SLCO1A2: variants seen among roughly 807,000 people sequenced by gnomAD.
SLCO1A2 encodes OATP-1.
A neutral mutation model predicts 69.0 loss-of-function variants in SLCO1A2; 67 were observed. The ratio of observed to expected loss-of-function variants is 0.97; its 90% CI spans 0.80 to 1.19. The LOEUF is 1.19. Among genes scored for constraint, SLCO1A2 ranks in the 50% most tolerant of loss-of-function variants. SLCO1A2 has a pLI of 0.00. For missense variants in SLCO1A2, 787 were observed against 793.7 expected (o/e 0.99, Z 0.10); for synonymous variants, 260 against 265.9 (o/e 0.98, Z 0.22).
At chr12:21,384,764 TTTTTC>T (rs542873249) in intron 1 of SLCO1A2, among the ~76,000 whole-genome samples, 4,281 of 149,094 alleles carry the variant, frequency 0.029, 64 homozygotes, top group Middle Eastern at 0.048. Flanking sequence ...ACTTAGTTTT[TTTTTC>T]TTTTTTTTTT....
intron 2 of SLCO1A2, among the ~76,000 whole-genome samples, chr12:21,351,252 G>C (rs1937927614): frequency 6.6e-6 from 1 of 152,146 alleles, no homozygotes. Flanking sequence ...CAAGCATGGA[G>C]GTCACAAAGT....
chr12:21,277,023 G>A (rs2136124640), intron 12 of SLCO1A2, among the ~76,000 whole-genome samples: 1 of 152,314 alleles, frequency 6.6e-6, no homozygotes, highest in African/African-American at 2.4e-5. Context: ...CAGAGCCAAT[G>A]GACTTGGGAG....
At chr12:21,394,533 C>A (rs1352808941) in intron 1 of SLCO1A2, among the ~76,000 whole-genome samples, 1 of 146,770 alleles carries the variant, frequency 6.8e-6, no homozygotes, top group East Asian at 2.0e-4. Flanking sequence ...CAGAGAGAGA[C>A]ACTGTCTCAA....
At chr12:21,413,312 C>T (rs968552174) in intron 1 of SLCO1A2, among the ~76,000 whole-genome samples, 1 of 134,896 alleles carries the variant, frequency 7.4e-6, no homozygotes, top group Non-Finnish European at 1.5e-5. Flanking sequence ...ATTCTCTGTT[C>T]ACTGCAACCT....
At chr12:21,394,939 C>T (rs963845685) in exon 1 of SLCO1A2, 1 of 152,210 alleles carries the variant, frequency 6.6e-6, no homozygotes, top group Non-Finnish European at 1.5e-5. Flanking sequence ...AGTAACATAG[C>T]AGGCACTTCA....
At chr12:21,362,675 C>T (rs1247940037) in intron 2 of SLCO1A2, among the ~76,000 whole-genome samples, 1 of 152,076 alleles carries the variant, frequency 6.6e-6, no homozygotes, top group Non-Finnish European at 1.5e-5. Flanking sequence ...CAGAGACACG[C>T]ATAGGCTCAA....
intron 4 of SLCO1A2, among the ~76,000 whole-genome samples, chr12:21,309,760 A>G (rs1267109008): frequency 6.6e-6 from 1 of 152,216 alleles, no homozygotes; most frequent in Non-Finnish European, 1.5e-5. Flanking sequence ...GAATAACTGA[A>G]TGTATGAAAC....
At chr12:21,381,166 G>T (rs1336580607) in intron 1 of SLCO1A2, among the ~76,000 whole-genome samples, 1 of 151,874 alleles carries the variant, frequency 6.6e-6, no homozygotes, top group African/African-American at 2.4e-5. Flanking sequence ...TAAATAAATG[G>T]GATGTAATTA....
upstream of SLCO1A2, among the ~76,000 whole-genome samples, chr12:21,338,596 C>G (rs1416230402): frequency 1.3e-5 from 2 of 151,848 alleles, no homozygotes; most frequent in Admixed American, 6.6e-5. Context: ...CGCAGTAGTC[C>G]CTTAATGAAA....
intron 1 of SLCO1A2, among the ~76,000 whole-genome samples, chr12:21,374,979 A>G (rs558305251): frequency 3.9e-5 from 6 of 152,028 alleles, no homozygotes; most frequent in South Asian, 2.1e-4. Context: ...ATACCCAGCT[A>G]ATTGTTTTAT....
rs1369391608 is a variant in SLCO1A2, at chr12:21,268,432, G to C, written c.*1116C>G. The C allele has an allele frequency of 6.6e-6, 1 of 152,038 alleles. No homozygotes were observed. The highest frequency in any genetic ancestry group is 1.5e-5 in the Non-Finnish European group (1 of 67,972). 9.4% of individuals were successfully genotyped at this position (152,038 alleles called of 1,614,324 possible). A position where few individuals can be genotyped will look rare whatever the true frequency, so the allele number is the denominator to read the frequency against. On this transcript the variant is annotated 3_prime_UTR_variant, in exon 15 of 15. Coordinates refer to ENST00000683939, the MANE Select transcript of SLCO1A2 (RefSeq NM_001386879.1). ...TATATATTGACTGTCATTTCAACAGGAAGGAGAGTAAGGAGTAGACAAACA... is the reference window on the plus strand; with the variant it reads ...TATATATTGACTGTCATTTCAACAGCAAGGAGAGTAAGGAGTAGACAAACA...
upstream of SLCO1A2, among the ~76,000 whole-genome samples, chr12:21,396,413 G>A (rs1197847098): frequency 1.3e-4 from 19 of 148,778 alleles, no homozygotes; most frequent in Non-Finnish European, 2.5e-4. Flanking sequence ...ACCTGAAAGT[G>A]ATGGGGAGAA....
intron 1 of SLCO1A2, among the ~76,000 whole-genome samples, chr12:21,386,117 C>CA (rs1278792206): frequency 2.0e-5 from 3 of 151,918 alleles, no homozygotes; most frequent in African/African-American, 7.3e-5. Flanking sequence ...TGCCAAAGAG[C>CA]AAAAAGTCAA....
chr12:21,392,425 G>A (rs1941206397), intron 1 of SLCO1A2, among the ~76,000 whole-genome samples: 1 of 152,158 alleles, frequency 6.6e-6, no homozygotes, highest in African/African-American at 2.4e-5. Context: ...AATTTCCTAA[G>A]TATGAATTGG....
chr12:21,324,389 A>T (rs906164943), intron 2 of SLCO1A2, among the ~76,000 whole-genome samples: 1 of 152,200 alleles, frequency 6.6e-6, no homozygotes, highest in Non-Finnish European at 1.5e-5. Flanking sequence ...ACTTGGCCTG[A>T]TTATTTGCAT....
chr12:21,313,340 T>C (rs1422176300), intron 4 of SLCO1A2, among the ~76,000 whole-genome samples: 1 of 152,240 alleles, frequency 6.6e-6, no homozygotes, highest in Non-Finnish European at 1.5e-5. Context: ...ATGTAATATC[T>C]GCAAAGTGCA....
chr12:21,367,638 A>C (rs926110342), intron 2 of SLCO1A2, among the ~76,000 whole-genome samples: 1 of 152,184 alleles, frequency 6.6e-6, no homozygotes, highest in Non-Finnish European at 1.5e-5. Context: ...TAAATAAAAA[A>C]GGAAAATACT....
At position 21,297,524 on chromosome 12, in the gene SLCO1A2, T is replaced by C; in HGVS notation, c.955A>G (p.Met319Val). 6.3e-7 allele frequency: 1 copy of C among 1,596,930 alleles called. No homozygotes were observed. The highest frequency in any genetic ancestry group is 1.1e-5 in the South Asian group (1 of 88,980). ...MKSLSCNPIY[M>V]LFILVSVIQF... is the part of the protein sequence containing the mutation. ...ATCACACTTACAAGTATGAAAAGCA[T>C]ATAAATTGGATTGCAGGAAAGACTT... Residue 319 changes from methionine (M) to valine (V), a missense_variant, in exon 9 of 15, where the codon ATG (methionine) becomes GTG (valine). By Grantham distance (21) the Met-to-Val change is conservative. Coordinates refer to ENST00000683939, the MANE Select transcript of SLCO1A2 (RefSeq NM_001386879.1).
At chr12:21,407,999 GA>G (rs1565534610) in intron 1 of SLCO1A2, among the ~76,000 whole-genome samples, 1 of 152,072 alleles carries the variant, frequency 6.6e-6, no homozygotes, top group African/African-American at 2.4e-5. Flanking sequence ...GAGAGAGCCT[GA>G]AAGGTTTACT....
Sources: gnomAD v4.1 joint callset for allele counts (sites outside exome capture counted in the v4.1 genomes callset) on GRCh38, gnomAD v4.1.1 for gene constraint, MANE v1.5 for transcripts, NCBI Gene and HGNC (gene_info 2026-07-23, HGNC 2026-07-21) for gene names.